Variants in SCFD2 observed in about 807,000 individuals in gnomAD.
SCFD2 encodes the protein sec1 family domain-containing protein 2.
SCFD2 carries 54 observed loss-of-function variants against 58.9 expected under a neutral mutation model. The observed-to-expected ratio is 0.92, with a 90% CI of 0.74 to 1.15. The LOEUF (loss-of-function observed/expected upper bound fraction) is 1.15. Ranked by LOEUF, SCFD2 falls within the 50% of genes most tolerant of loss-of-function variation. The pLI is 0.00. For synonymous variants in SCFD2, 321 were observed against 335.9 expected, an observed-to-expected ratio of 0.96 and a Z score of 0.49; for missense variants, 805 against 836.6, an observed-to-expected ratio of 0.96 and a Z score of 0.47.
At chr4:53,133,355 C>G (rs1056720658) in intron 5 of SCFD2, among the ~76,000 whole-genome samples, 1 of 149,222 alleles carries the variant, frequency 6.7e-6, no homozygotes, top group Non-Finnish European at 1.5e-5. Context: ...AAAAAATTCT[C>G]TGTTTGGAAG....
intron 5 of SCFD2, among the ~76,000 whole-genome samples, chr4:52,946,032 C>T (rs902241862): frequency 2.6e-5 from 4 of 152,010 alleles, no homozygotes; most frequent in Admixed American, 6.6e-5. Flanking sequence ...AATAAAACCA[C>T]GTGCATTTGG....
At chr4:52,976,308 T>C (rs1245531952) in intron 5 of SCFD2, among the ~76,000 whole-genome samples, 3 of 152,196 alleles carry the variant, frequency 2.0e-5, no homozygotes, top group Non-Finnish European at 4.4e-5. Flanking sequence ...AATACCTACC[T>C]GGCAGGTGAA....
chr4:53,158,262 G>A (rs1197983592), intron 4 of SCFD2, among the ~76,000 whole-genome samples: 4 of 152,138 alleles, frequency 2.6e-5, no homozygotes, highest in Non-Finnish European at 5.9e-5. Context: ...TTTTGGTATA[G>A]CACTTTAATC....
chr4:52,903,480 A>G (rs945178357), intron 7 of SCFD2, among the ~76,000 whole-genome samples: 26 of 152,184 alleles, frequency 1.7e-4, no homozygotes, highest in African/African-American at 5.8e-4. Flanking sequence ...GGAAAGAGGA[A>G]CCAGTGACTT....
In SCFD2 at chr4:53,273,781, A is replaced by G. The variant is rs772468965; in HGVS notation, c.1311+45T>C. ...TGTCAAGGTTTTTCTCTGGAAGTCA[A>G]AACATTAATTATTAAGATCCCACGA... On this transcript the variant is annotated intron_variant, in intron 4 of 8. Coordinates refer to ENST00000401642, the MANE Select transcript of SCFD2 (RefSeq NM_152540.4). 1.1e-5 allele frequency: 17 copies of G among 1,521,718 alleles called. No homozygotes were observed. The South Asian group carries it at 1.7e-4, about 15-fold the overall frequency. The allele number at this position is 1,521,718 out of a possible 1,614,324, so 94.3% of individuals were successfully genotyped here.
At chr4:53,098,500 C>T (rs956331106) in intron 5 of SCFD2, among the ~76,000 whole-genome samples, 17 of 152,146 alleles carry the variant, frequency 1.1e-4, no homozygotes, top group African/African-American at 3.6e-4. Context: ...AGTTTATTTG[C>T]GCAGAGGTGT....
chr4:53,126,050 G>A (rs1388962161), intron 5 of SCFD2, among the ~76,000 whole-genome samples: 2 of 152,168 alleles, frequency 1.3e-5, no homozygotes, highest in Non-Finnish European at 2.9e-5. Context: ...GAGTTCAAGG[G>A]AAAACCAGAG....
At chr4:53,111,343 AAAG>A (rs1560340599) in intron 5 of SCFD2, among the ~76,000 whole-genome samples, 4 of 152,132 alleles carry the variant, frequency 2.6e-5, no homozygotes, top group Non-Finnish European at 4.4e-5. Context: ...AATCATAAAA[AAAG>A]AAGAATTAGA....
chr4:52,909,160 T>C (rs748209503), intron 6 of SCFD2, among the ~76,000 whole-genome samples: 6 of 152,184 alleles, frequency 3.9e-5, no homozygotes, highest in Non-Finnish European at 7.3e-5. Flanking sequence ...GTAATACCTA[T>C]CAATATTACA....
At chr4:53,300,765 C>A (rs775185135) in intron 3 of SCFD2, among the ~76,000 whole-genome samples, 15 of 152,186 alleles carry the variant, frequency 9.9e-5, no homozygotes, top group African/African-American at 1.9e-4. Flanking sequence ...GACCACAGTG[C>A]AATCAAACTA....
At chr4:53,093,574 A>G (rs1027944782) in intron 5 of SCFD2, among the ~76,000 whole-genome samples, 5 of 152,182 alleles carry the variant, frequency 3.3e-5, no homozygotes, top group East Asian at 1.9e-4. Flanking sequence ...AACAACTTCA[A>G]TGGCCACTGT....
In SCFD2 at chr4:53,213,321, T is replaced by A. The variant is rs111596820; in HGVS notation, c.1311+60505A>T. 3.4e-3 allele frequency among the ~76,000 whole-genome samples: 512 copies of A among 152,234 alleles called. 9 individuals are homozygous for A. Among genetic ancestry groups the A allele is most frequent in the African/African-American group, 0.012 (497 of 41,502 alleles). On this transcript the variant is annotated intron_variant, in intron 4 of 8. Transcript: ENST00000401642. Reference sequence around the variant, plus strand: ...AGAAAAAAGAAATTCCTCTTGGAGATGCATAGTGCCAAAACAAGAACTCGA... The same window carrying A: ...AGAAAAAAGAAATTCCTCTTGGAGAAGCATAGTGCCAAAACAAGAACTCGA...
chr4:53,238,490 G>A (rs1729761502), intron 4 of SCFD2, among the ~76,000 whole-genome samples: 4 of 151,802 alleles, frequency 2.6e-5, no homozygotes, highest in South Asian at 2.1e-4. Flanking sequence ...GCGGCTGGTG[G>A]GGCGGGGGCT....
At chr4:53,041,682 G>C (rs745868251) in intron 5 of SCFD2, among the ~76,000 whole-genome samples, 2 of 152,158 alleles carry the variant, frequency 1.3e-5, no homozygotes, top group Non-Finnish European at 2.9e-5. Context: ...TGTTCACCTT[G>C]TACATGTGGT....
At position 53,365,558 on chromosome 4, in the gene SCFD2, C is replaced by T. The variant is rs749496064; in HGVS notation, c.384G>A (p.Gly128=). 6.2e-7 allele frequency: 1 copy of T among 1,614,082 alleles called. No individual in the cohort carries two copies. Among genetic ancestry groups the T allele is most frequent in the Admixed American group, 1.7e-5 (1 of 60,026 alleles). ...CCAGCTGCTCGAACACCGGCTGCTG[C>T]CCCTCCATCTCGGCCGCTGCCGCCG... ...VPAAAAAEME[G]QQPVFEQLEE... Residue 128 remains glycine, a synonymous_variant, in exon 1 of 9, where the codon GGG becomes GGA. Transcript: ENST00000401642. The surrounding 1 kb of genome is among the most constrained non-coding windows in gnomAD (Gnocchi z 4.3).
At chr4:53,165,279 CTG>C (rs1726972187) in intron 4 of SCFD2, among the ~76,000 whole-genome samples, 1 of 152,188 alleles carries the variant, frequency 6.6e-6, no homozygotes, top group Non-Finnish European at 1.5e-5. Flanking sequence ...TGTGCACGCA[CTG>C]TCTCTTCAAC....
chr4:53,306,320 GAAGT>G (rs1340539855), intron 3 of SCFD2, among the ~76,000 whole-genome samples: 2 of 152,098 alleles, frequency 1.3e-5, no homozygotes, highest in African/African-American at 2.4e-5. Context: ...TAGGAAACTA[GAAGT>G]AACAGAAGGC....
intron 5 of SCFD2, among the ~76,000 whole-genome samples, chr4:53,106,125 G>C (rs1702137344): frequency 6.6e-6 from 1 of 152,148 alleles, no homozygotes; most frequent in African/African-American, 2.4e-5. Flanking sequence ...GCAGCAGAGG[G>C]GCCTGACTGT....
chr4:53,083,034 A>G (rs1724195778), intron 5 of SCFD2, among the ~76,000 whole-genome samples: 1 of 152,042 alleles, frequency 6.6e-6, no homozygotes, highest in African/African-American at 2.4e-5. Context: ...TCTCTGGAGA[A>G]CCCTGACTAA....
Sources: allele counts gnomAD v4.1 joint callset (sites outside exome capture counted in the v4.1 genomes callset), GRCh38; gene constraint gnomAD v4.1.1; non-coding constraint Gnocchi (gnomAD v3.1); transcripts MANE v1.5; gene names NCBI Gene and HGNC (gene_info 2026-07-23, HGNC 2026-07-21).